RPS6KA1: variants seen among roughly 807,000 people sequenced by gnomAD.
RPS6KA1 encodes the protein ribosomal protein S6 kinase alpha-1.
Under a neutral mutation model 91.3 loss-of-function variants are expected in RPS6KA1, and 48 were observed. The ratio of observed to expected loss-of-function variants is 0.53; its 90% CI spans 0.42 to 0.67. The LOEUF is 0.67. Among genes scored for constraint, RPS6KA1 ranks in the 30% least tolerant of loss-of-function variants. The pLI is 0.00. For missense variants in RPS6KA1, 719 were observed against 960.5 expected (o/e 0.75, Z 3.32); for synonymous variants, 359 against 384.7 (o/e 0.93, Z 0.78).
intron 20 of RPS6KA1, among the ~76,000 whole-genome samples, chr1:26,572,661 G>A (rs1458081621): frequency 6.6e-6 from 1 of 152,210 alleles, no homozygotes; most frequent in African/African-American, 2.4e-5. Flanking sequence ...GTGGACCGTG[G>A]AGACACAGAG....
intron 14 of RPS6KA1, among the ~76,000 whole-genome samples, chr1:26,559,507 C>T (rs1022719551): frequency 2.6e-5 from 4 of 151,574 alleles, no homozygotes; most frequent in Non-Finnish European, 5.9e-5. Context: ...GCTGGGACTA[C>T]AGATATACAC....
chr1:26,529,987 A>G lies in RPS6KA1; in HGVS notation c.63+4A>G. ...GCTAGTGCCTCTGGACCCGGAGGTGAGTGAGCGGGGCGGGGGACGGGCGCC... is the reference window on the plus strand; with the variant it reads ...GCTAGTGCCTCTGGACCCGGAGGTGGGTGAGCGGGGCGGGGGACGGGCGCC... On this transcript the variant is annotated splice_donor_region_variant and intron_variant, in intron 1 of 21. Transcript: ENST00000374168. The surrounding 1 kb of genome is among the most constrained non-coding windows in gnomAD (Gnocchi z 4.2). 1 of 1,394,650 alleles carries G rather than the reference A, an allele frequency of 7.2e-7. No individual in the cohort carries two copies. Among genetic ancestry groups the G allele is most frequent in the Non-Finnish European group, 9.3e-7 (1 of 1,071,910 alleles). The allele number at this position is 1,394,650 out of a possible 1,614,324, so 86.4% of individuals were successfully genotyped here. A position where few individuals can be genotyped will look rare whatever the true frequency, so the allele number is the denominator to read the frequency against.
intron 1 of RPS6KA1, among the ~76,000 whole-genome samples, chr1:26,536,566 C>T (rs560890073): frequency 6.6e-6 from 1 of 152,312 alleles, no homozygotes; most frequent in African/African-American, 2.4e-5. Flanking sequence ...CTAGTTTGTA[C>T]AAGGTTTGTA....
Position 26,571,826 on chromosome 1 carries a change from C to T in RPS6KA1, c.1753-23C>T. The stretch of plus-strand genomic sequence containing the variant: ...CTTTCTACTGCCCCCCCAGACTGAC[C>T]ACCTCCCCTGCCCTGTTGCCAGGTG... On this transcript the variant is annotated intron_variant, in intron 18 of 21. Transcript: ENST00000374168. This position sits in a 1 kb window ranked among gnomAD's most constrained non-coding sequence, Gnocchi z 5.1. 1 of 1,603,948 alleles carries T rather than the reference C, an allele frequency of 6.2e-7. No individual in the cohort carries two copies. The highest frequency in any genetic ancestry group is 8.5e-7 in the Non-Finnish European group (1 of 1,178,032).
Position 26,556,647 on chromosome 1 carries a change from C to T in RPS6KA1, c.917-7C>T. On this transcript the variant is annotated splice_polypyrimidine_tract_variant and splice_region_variant and intron_variant, in intron 11 of 21. Transcript: ENST00000374168. Reference sequence around the variant, plus strand: ...CAGGGACAGACCCTTCATTTGGGCTCTTTCAGGCTCCGGCCCTGATGGGGC... The same window carrying T: ...CAGGGACAGACCCTTCATTTGGGCTTTTTCAGGCTCCGGCCCTGATGGGGC... 1.2e-6 allele frequency: 2 copies of T among 1,614,190 alleles called. No individual in the cohort carries two copies. Among genetic ancestry groups the T allele is most frequent in the Middle Eastern group, 1.6e-4 (1 of 6,062 alleles).
In RPS6KA1 at chr1:26,554,653, G is replaced by A. The variant is rs1390137040; in HGVS notation, c.671G>A (p.Gly224Glu). The change falls in exon 9 of 22, where the codon GGG becomes GAG. Residue 224 changes from glycine (G) to glutamate (E), a missense_variant. Gly to Glu is a moderately conservative substitution (Grantham distance 98). Coordinates refer to ENST00000374168, the MANE Select transcript of RPS6KA1 (RefSeq NM_002953.4). This position sits in a 1 kb window ranked among gnomAD's most constrained non-coding sequence, Gnocchi z 4.6. ...GAGAAGAAGGCCTATTCTTTCTGCG[G>A]GACAGTGGAGTACATGGCCCCTGAG... Reference protein sequence around the residue: ...DHEKKAYSFCGTVEYMAPEVV... With the variant: ...DHEKKAYSFCETVEYMAPEVV... The A allele has an allele frequency of 6.2e-7, 1 of 1,613,960 alleles. No individual in the cohort carries two copies. Among genetic ancestry groups the A allele is most frequent in the South Asian group, 1.1e-5 (1 of 91,078 alleles).
rs2076000876 is a variant in RPS6KA1 at position 26,547,028 on chromosome 1, A to C, written c.225+45A>C. 1 of 1,574,178 alleles carries C rather than the reference A, an allele frequency of 6.4e-7. No homozygotes were observed. The highest frequency in any genetic ancestry group is 1.3e-5 in the African/African-American group (1 of 74,132). On this transcript the variant is annotated intron_variant, in intron 3 of 21. Coordinates refer to ENST00000374168, the MANE Select transcript of RPS6KA1 (RefSeq NM_002953.4). This position sits in a 1 kb window ranked among gnomAD's most constrained non-coding sequence, Gnocchi z 4.1. Reference sequence around the variant, plus strand: ...CTGTGAAGGCAACACTCGTCATGTTAGAGGTGGGGGTCAAGGGTCACCTAG... The same window carrying C: ...CTGTGAAGGCAACACTCGTCATGTTCGAGGTGGGGGTCAAGGGTCACCTAG...
Position 26,574,370 on chromosome 1 carries a change from TC to T in RPS6KA1, c.*173del. Reference sequence around the variant, plus strand: ...GAGGGTGTGAGAAGTGCCTTCTCCTTCCCCAGGATGGACTCTTCTCGGCTCA... The same window carrying T: ...GAGGGTGTGAGAAGTGCCTTCTCCTTCCCAGGATGGACTCTTCTCGGCTCA... On this transcript the variant is annotated 3_prime_UTR_variant, in exon 22 of 22. Transcript: ENST00000374168. This position sits in a 1 kb window ranked among gnomAD's most constrained non-coding sequence, Gnocchi z 4.3. 1 of 840,096 alleles carries T rather than the reference TC, an allele frequency of 1.2e-6. No individual in the cohort carries two copies. The highest frequency in any genetic ancestry group is 2.1e-6 in the Non-Finnish European group (1 of 475,838). 52.0% of individuals were successfully genotyped at this position (840,096 alleles called of 1,614,324 possible).
intron 4 of RPS6KA1, among the ~76,000 whole-genome samples, chr1:26,549,469 T>A (rs546459730): frequency 6.6e-6 from 1 of 151,936 alleles, no homozygotes; most frequent in African/African-American, 2.4e-5. Context: ...CTCAGGAGGC[T>A]GAGGCACTAG....
intron 17 of RPS6KA1, among the ~76,000 whole-genome samples, chr1:26,563,129 A>G (rs2076169078): frequency 6.8e-6 from 1 of 146,480 alleles, no homozygotes; most frequent in Non-Finnish European, 1.5e-5. Flanking sequence ...GTGAGCCACC[A>G]CACCCGGCCC....
chr1:26,559,501 G>A (rs1284639456), intron 14 of RPS6KA1, among the ~76,000 whole-genome samples: 1 of 151,886 alleles, frequency 6.6e-6, no homozygotes, highest in Non-Finnish European at 1.5e-5. Flanking sequence ...CGAATAGCTG[G>A]GACTACAGAT....
At chr1:26,535,596 A>T (rs2075900295) in intron 1 of RPS6KA1, among the ~76,000 whole-genome samples, 1 of 151,906 alleles carries the variant, frequency 6.6e-6, no homozygotes, top group Admixed American at 6.6e-5. Context: ...GGTTTGACAC[A>T]CCCCAGCATA....
intron 14 of RPS6KA1, among the ~76,000 whole-genome samples, chr1:26,559,491 C>G (rs117379781): frequency 2.0e-5 from 3 of 151,926 alleles, no homozygotes; most frequent in Non-Finnish European, 4.4e-5. Context: ...CTCAGTCTCC[C>G]GAATAGCTGG....
rs554064702 is a variant in RPS6KA1 at position 26,543,098 on chromosome 1, A to T, written c.109-3769A>T. The T allele has an allele frequency of 2.2e-4, 339 of 1,521,832 alleles. 3 individuals carry two copies. In the South Asian group the frequency reaches 2.9e-3, roughly 13 times the overall value. The allele number at this position is 1,521,832 out of a possible 1,614,324, so 94.3% of individuals were successfully genotyped here. Reference sequence around the variant, plus strand: ...AGAGACCCTGCCTTCTGGGCCAGGAAGGCTAAAAAAAGCAGAAGTAGGAAG... The same window carrying T: ...AGAGACCCTGCCTTCTGGGCCAGGATGGCTAAAAAAAGCAGAAGTAGGAAG... On this transcript the variant is annotated intron_variant, in intron 2 of 21. Coordinates refer to ENST00000374168, the MANE Select transcript of RPS6KA1 (RefSeq NM_002953.4).
rs752388723 is a variant in RPS6KA1 at position 26,553,455 on chromosome 1, T to C, written c.533T>C (p.Leu178Pro). ...LAELALGLDH[L>P]HSLGIIYRDL... ...GAGCTGGCTCTGGGCCTGGATCACC[T>C]GCACAGCCTGGGTATCATTTACAGA... The change falls in exon 7 of 22, where the codon CTG becomes CCG. Residue 178 changes from leucine (L) to proline (P), a missense_variant. Physicochemically the swap from Leu to Pro is moderately conservative, Grantham distance 98. Coordinates refer to ENST00000374168, the MANE Select transcript of RPS6KA1 (RefSeq NM_002953.4). 2 of 1,613,286 alleles carry C rather than the reference T, an allele frequency of 1.2e-6. No homozygotes were observed. Among genetic ancestry groups the C allele is most frequent in the South Asian group, 1.1e-5 (1 of 91,032 alleles).
intron 2 of RPS6KA1, among the ~76,000 whole-genome samples, chr1:26,538,967 G>A (rs1248133524): frequency 2.6e-5 from 4 of 152,136 alleles, no homozygotes; most frequent in Non-Finnish European, 4.4e-5. Context: ...TCAGACATTC[G>A]GTGCACCCTG....
At chr1:26,569,878 G>A (rs2076235434) in intron 17 of RPS6KA1, among the ~76,000 whole-genome samples, 1 of 152,222 alleles carries the variant, frequency 6.6e-6, no homozygotes, top group Non-Finnish European at 1.5e-5. Flanking sequence ...TGGACAGTGA[G>A]GCTGGAACAG....
At chr1:26,531,912 C>G (rs541258215) in intron 1 of RPS6KA1, among the ~76,000 whole-genome samples, 1 of 152,298 alleles carries the variant, frequency 6.6e-6, no homozygotes, top group African/African-American at 2.4e-5. Context: ...AGCCACGGCG[C>G]AGGTTGGGCT....
intron 2 of RPS6KA1, among the ~76,000 whole-genome samples, chr1:26,537,187 G>C (rs1236632709): frequency 1.3e-5 from 2 of 152,248 alleles, no homozygotes; most frequent in African/African-American, 4.8e-5. Context: ...AAAGGGTCAG[G>C]AGCAGAATCC....
Sources: allele counts gnomAD v4.1 joint callset (sites outside exome capture counted in the v4.1 genomes callset), GRCh38; gene constraint gnomAD v4.1.1; non-coding constraint Gnocchi (gnomAD v3.1); transcripts MANE v1.5; gene names NCBI Gene and HGNC (gene_info 2026-07-23, HGNC 2026-07-21).